NAA11: variants seen among roughly 807,000 people sequenced by gnomAD.
NAA11 encodes the protein N-alpha-acetyltransferase 11, NatA catalytic subunit, also known as N-alpha-acetyltransferase 11.
NAA11 carries 15 observed loss-of-function variants against 16.1 expected under a neutral mutation model. The observed-to-expected ratio is 0.93, with a 90% CI of 0.62 to 1.44. The LOEUF (loss-of-function observed/expected upper bound fraction) is 1.44, where lower values mean the gene tolerates loss of function less well. NAA11 is among the 40% of genes most tolerant of loss of function. The probability of loss-of-function intolerance (pLI) is 0.00; values close to 1 mark genes in which losing one functional copy is unlikely to be tolerated. For missense variants in NAA11, 298 were observed against 291.3 expected, an observed-to-expected ratio of 1.02 and a Z score of -0.17; for synonymous variants, 122 against 112.4, an observed-to-expected ratio of 1.09 and a Z score of -0.54.
chr4:79,215,671 C>T, the NAA11 span, among the ~76,000 whole-genome samples: 4 of 152,190 alleles, frequency 2.6e-5, no homozygotes, highest in African/African-American at 9.6e-5. Flanking sequence ...TTCTGTCTTA[C>T]TGGATTTAGG....
intron 1 of NAA11, among the ~76,000 whole-genome samples, chr4:79,301,118 C>T (rs1381970318): frequency 6.6e-6 from 1 of 152,198 alleles, no homozygotes; most frequent in Non-Finnish European, 1.5e-5. Context: ...TATCTTGGCA[C>T]TCAAGTCAAA....
At chr4:79,262,454 A>C (rs1255914528) in intron 2 of NAA11, among the ~76,000 whole-genome samples, 2 of 152,194 alleles carry the variant, frequency 1.3e-5, no homozygotes, top group Non-Finnish European at 2.9e-5. Context: ...TCACTTTTCT[A>C]GTCTCACTTG....
intron 2 of NAA11, among the ~76,000 whole-genome samples, chr4:79,246,330 GC>G (rs1426283310): frequency 1.4e-5 from 2 of 140,862 alleles, no homozygotes; most frequent in Non-Finnish European, 1.5e-5. Flanking sequence ...CTATGACCCT[GC>G]CAAATCCCTC....
intron 1 of NAA11, chr4:79,294,158 C>T (rs1247836201): frequency 3.9e-5 from 6 of 152,152 alleles, no homozygotes; most frequent in African/African-American, 7.2e-5. Flanking sequence ...GTAGAAATTC[C>T]AGATATGGGT....
intron 2 of NAA11, among the ~76,000 whole-genome samples, chr4:79,249,595 C>T (rs1418330196): frequency 6.6e-6 from 1 of 152,110 alleles, no homozygotes; most frequent in Non-Finnish European, 1.5e-5. Context: ...TAAACAAAAC[C>T]TCTAAGAAAT....
At chr4:79,247,793 A>C (rs1560421337) in intron 2 of NAA11, among the ~76,000 whole-genome samples, 1 of 152,128 alleles carries the variant, frequency 6.6e-6, no homozygotes, top group Non-Finnish European at 1.5e-5. Context: ...GCAGGTGTGG[A>C]GCAACCTCCT....
the NAA11 span, among the ~76,000 whole-genome samples, chr4:79,214,022 T>A: frequency 2.0e-5 from 3 of 152,306 alleles, no homozygotes; most frequent in Middle Eastern, 0.01. Context: ...GGTTGGTAAA[T>A]CATTGGTAGC....
chr4:79,225,376 G>C (rs1013833940), downstream of NAA11, among the ~76,000 whole-genome samples: 3 of 152,050 alleles, frequency 2.0e-5, no homozygotes, highest in Non-Finnish European at 4.4e-5. Flanking sequence ...TTAAACGGAT[G>C]GATTACATTT....
chr4:79,259,915 C>T (rs1384052215), intron 2 of NAA11, among the ~76,000 whole-genome samples: 1 of 152,120 alleles, frequency 6.6e-6, no homozygotes, highest in Non-Finnish European at 1.5e-5. Context: ...TTTTATTTCT[C>T]TCAGATGTTT....
chr4:79,245,145 G>A (rs567734895), intron 2 of NAA11: 210 of 157,608 alleles, frequency 1.3e-3, no homozygotes, highest in South Asian at 4.1e-3. Context: ...AGTGAGGAGC[G>A]CCTCTTCCCG....
At chr4:79,179,735 T>A in the NAA11 span, among the ~76,000 whole-genome samples, 22 of 152,216 alleles carry the variant, frequency 1.4e-4, no homozygotes, top group Non-Finnish European at 2.1e-4. Flanking sequence ...AGAGCATTAC[T>A]ATTTCCCAAG....
At chr4:79,187,980 CAG>C in the NAA11 span, among the ~76,000 whole-genome samples, 1 of 106,210 alleles carries the variant, frequency 9.4e-6, no homozygotes, top group Admixed American at 1.6e-4. Flanking sequence ...GCCTGGGCGA[CAG>C]AGTGAGACTC....
At chr4:79,297,468 C>T (rs1483717798) in intron 1 of NAA11, among the ~76,000 whole-genome samples, 1 of 152,168 alleles carries the variant, frequency 6.6e-6, no homozygotes, top group South Asian at 2.1e-4. Context: ...GGCATCTCTG[C>T]ACTTTGCACC....
chr4:79,289,854 C>G (rs892369015), intron 2 of NAA11, among the ~76,000 whole-genome samples: 19 of 152,084 alleles, frequency 1.2e-4, no homozygotes, highest in Admixed American at 1.3e-4. Flanking sequence ...TTTTTACCAC[C>G]TGGACCTGTG....
the NAA11 span, among the ~76,000 whole-genome samples, chr4:79,159,245 G>A: frequency 4.6e-5 from 7 of 151,974 alleles, no homozygotes; most frequent in African/African-American, 7.2e-5. Flanking sequence ...AAGGAAAAAA[G>A]CAAACAATCA....
chr4:79,225,733 T>C (rs920310258), exon 3 of NAA11: 1 of 152,082 alleles, frequency 6.6e-6, no homozygotes, highest in Non-Finnish European at 1.5e-5. Flanking sequence ...GAGTCTTACT[T>C]TCTGCTCTTT....
chr4:79,193,068 TG>T, the NAA11 span, among the ~76,000 whole-genome samples: 1 of 151,804 alleles, frequency 6.6e-6, no homozygotes, highest in Non-Finnish European at 1.5e-5. Context: ...CACTTTTTGA[TG>T]GGGTTGTTTT....
At chr4:79,203,070 T>C in the NAA11 span, among the ~76,000 whole-genome samples, 3 of 151,608 alleles carry the variant, frequency 2.0e-5, no homozygotes, top group Non-Finnish European at 4.4e-5. Flanking sequence ...TTCCGGAGTT[T>C]TTAAGTATTT....
intron 2 of NAA11, among the ~76,000 whole-genome samples, chr4:79,252,933 A>C (rs1387612751): frequency 5.3e-5 from 8 of 152,226 alleles, no homozygotes; most frequent in Non-Finnish European, 1.2e-4. Flanking sequence ...GAATACACTG[A>C]AGAAAGGCAA....
Sources: allele counts gnomAD v4.1 joint callset (sites outside exome capture counted in the v4.1 genomes callset), GRCh38; gene constraint gnomAD v4.1.1; transcripts MANE v1.5; gene names NCBI Gene and HGNC (gene_info 2026-07-23, HGNC 2026-07-21).